Variants in EML1 observed in about 807,000 individuals in gnomAD.
EML1 encodes EMAP like 1.
In EML1, 27 loss-of-function variants were observed where a neutral mutation model predicts 110.4. That is an observed-to-expected ratio of 0.24 (90% CI 0.18 to 0.34). EML1 has a LOEUF of 0.34. Ranked by LOEUF, EML1 falls within the 10% of genes least tolerant of loss-of-function variation. The pLI, the probability that EML1 is intolerant of heterozygous loss-of-function variation, is 1.00. For synonymous variants in EML1, 344 were observed against 385.8 expected, an observed-to-expected ratio of 0.89 and a Z score of 1.27; for missense variants, 741 against 1,030.9, an observed-to-expected ratio of 0.72 and a Z score of 3.85.
chr14:99,831,406 T>A (rs913377870), intron 1 of EML1, among the ~76,000 whole-genome samples: 2 of 152,128 alleles, frequency 1.3e-5, no homozygotes, highest in Admixed American at 1.3e-4. Flanking sequence ...TGGGTAGAGG[T>A]TCCCCCCATC....
chr14:99,864,805 CAA>C (rs67480916), intron 2 of EML1, among the ~76,000 whole-genome samples: 68 of 99,006 alleles, frequency 6.9e-4, no homozygotes, highest in Middle Eastern at 4.9e-3. Flanking sequence ...AACTCTGTCT[CAA>C]AAAAAAAAAA....
At chr14:99,749,625 G>T (rs1299859607) in intron 1 of EML1, among the ~76,000 whole-genome samples, 1 of 152,204 alleles carries the variant, frequency 6.6e-6, no homozygotes, top group Admixed American at 6.5e-5. Flanking sequence ...TGGTATGAGG[G>T]AGGGACATGG....
At chr14:99,858,247 C>T (rs946560931) in intron 2 of EML1, among the ~76,000 whole-genome samples, 6 of 150,324 alleles carry the variant, frequency 4.0e-5, no homozygotes, top group African/African-American at 1.2e-4. Context: ...TACAATGGTG[C>T]GATCTCAGCT....
At chr14:99,875,909 C>T (rs1411348619) in intron 3 of EML1, among the ~76,000 whole-genome samples, 1 of 152,140 alleles carries the variant, frequency 6.6e-6, no homozygotes, top group Non-Finnish European at 1.5e-5. Context: ...TAAGGCACAC[C>T]CTGCAGATTG....
At chr14:99,771,873 G>T (rs1214574711), upstream of EML1, among the ~76,000 whole-genome samples, 1 of 152,102 alleles carries the variant, frequency 6.6e-6, no homozygotes, top group Non-Finnish European at 1.5e-5. Context: ...GCTGCCAGTT[G>T]GTTCCTTTTC....
At chr14:99,798,413 G>C (rs1464990785) in intron 1 of EML1, among the ~76,000 whole-genome samples, 1 of 137,784 alleles carries the variant, frequency 7.3e-6, no homozygotes. Context: ...TTTTTTTCGA[G>C]ACAGAGTCTC....
chr14:99,911,621 C>T, intron 13 of EML1, 45 bp downstream of exon 13: 3 of 1,578,630 alleles, frequency 1.9e-6, no homozygotes, highest in Non-Finnish European at 1.7e-6. Flanking sequence ...TAACCTTAAA[C>T]TGTTATCCTT....
rs2058784597 is a variant in EML1, at chr14:99,850,847, G to A, written c.68-6G>A. On this transcript the variant is annotated splice_region_variant and splice_polypyrimidine_tract_variant and intron_variant, in intron 1 of 21. Transcript: ENST00000262233. ...TAAAGCTCACTTGATCCTTTCTTTGGTTTAGATGACAGCGCTTCTGCTGCA... is the reference window on the plus strand; with the variant it reads ...TAAAGCTCACTTGATCCTTTCTTTGATTTAGATGACAGCGCTTCTGCTGCA... 6 of 1,612,276 alleles carry A rather than the reference G, an allele frequency of 3.7e-6. No homozygotes were observed. The highest frequency in any genetic ancestry group is 5.1e-6 in the Non-Finnish European group (6 of 1,178,602).
chr14:99,807,143 C>T (rs548449792), intron 1 of EML1, among the ~76,000 whole-genome samples: 10 of 152,188 alleles, frequency 6.6e-5, no homozygotes, highest in South Asian at 2.1e-4. Flanking sequence ...CACGTGCAGA[C>T]GAATAATGAA....
chr14:99,868,218 T>C (rs2059134722), intron 3 of EML1, among the ~76,000 whole-genome samples: 1 of 152,196 alleles, frequency 6.6e-6, no homozygotes, highest in African/African-American at 2.4e-5. Context: ...TTCAGTTTAC[T>C]AGTATTTTGT....
intron 3 of EML1, among the ~76,000 whole-genome samples, chr14:99,867,499 G>A (rs1044398379): frequency 2.6e-5 from 4 of 152,002 alleles, no homozygotes; most frequent in Admixed American, 1.3e-4. Flanking sequence ...TTTTCTTTTA[G>A]CAAAGTTTTG....
intron 1 of EML1, among the ~76,000 whole-genome samples, chr14:99,797,274 T>G (rs10151665): frequency 0.66 from 99,760 of 152,164 alleles, 34,665 homozygotes; most frequent in African/African-American, 0.91. Flanking sequence ...GCCTGTGTCA[T>G]CATGCCATTC....
intron 2 of EML1, among the ~76,000 whole-genome samples, chr14:99,863,457 T>C (rs1469975825): frequency 2.0e-5 from 3 of 152,234 alleles, no homozygotes; most frequent in Non-Finnish European, 4.4e-5. Context: ...TGCCCCATGA[T>C]GGTATCTTAC....
At chr14:99,806,240 C>T (rs951830305) in intron 1 of EML1, among the ~76,000 whole-genome samples, 3 of 151,856 alleles carry the variant, frequency 2.0e-5, no homozygotes, top group African/African-American at 7.3e-5. Flanking sequence ...GATGTGTCAC[C>T]GGATCACACC....
Position 99,914,661 on chromosome 14 carries a change from T to C in EML1, c.1716T>C (p.Ala572=). ...GHDKHATLWD[A]VGHRPVWDKI... ...ACAAGCATGCCACTCTCTGGGACGC[T>C]GTGGGTCACCGTCCCGTCTGGGACA... is the stretch of plus-strand genomic sequence containing the variant. Residue 572 remains alanine, a synonymous_variant, in exon 15 of 22, where the codon GCT becomes GCC. Transcript: ENST00000262233. 2 of 1,610,828 alleles carry C rather than the reference T, an allele frequency of 1.2e-6. No individual in the cohort carries two copies. Among genetic ancestry groups the C allele is most frequent in the Admixed American group, 1.7e-5 (1 of 58,760 alleles).
chr14:99,786,721 T>C (rs1262544099), intron 1 of EML1, among the ~76,000 whole-genome samples: 4 of 152,232 alleles, frequency 2.6e-5, no homozygotes, highest in African/African-American at 7.2e-5. Flanking sequence ...ATGCCAAAGA[T>C]GGCATTTGCA....
At chr14:99,853,278 A>G (rs888842269) in intron 2 of EML1, among the ~76,000 whole-genome samples, 1 of 152,198 alleles carries the variant, frequency 6.6e-6, no homozygotes, top group East Asian at 1.9e-4. Flanking sequence ...AAGCAGGTGA[A>G]TGGGCTGCAT....
At chr14:99,901,188 C>T in intron 9 of EML1, 149 bp downstream of exon 9, 1 of 668,912 alleles carries the variant, frequency 1.5e-6, no homozygotes, top group African/African-American at 1.8e-5. Flanking sequence ...TCCCAGAACC[C>T]CTCAGTCAGA....
upstream of EML1, among the ~76,000 whole-genome samples, chr14:99,770,108 C>T (rs1238437558): frequency 1.3e-5 from 2 of 152,172 alleles, no homozygotes; most frequent in African/African-American, 4.8e-5. Flanking sequence ...AGTGGAATGA[C>T]CCTCCTCTGT....
Sources: allele counts gnomAD v4.1 joint callset (sites outside exome capture counted in the v4.1 genomes callset), GRCh38; gene constraint gnomAD v4.1.1; transcripts MANE v1.5; gene names NCBI Gene and HGNC (gene_info 2026-07-23, HGNC 2026-07-21).